The following ATE1 variants were observed in gnomAD, a reference collection of about 807,000 sequenced individuals.
The protein encoded by ATE1 is arginyl-tRNA--protein transferase 1.
Under a neutral mutation model 70.5 loss-of-function variants are expected in ATE1, and 36 were observed. The observed-to-expected ratio is 0.51, with a 90% CI of 0.39 to 0.67. ATE1 has a LOEUF of 0.67. ATE1 is among the 30% of genes least tolerant of loss of function. ATE1 has a pLI of 0.00. For synonymous variants in ATE1, 232 were observed against 219.3 expected, an observed-to-expected ratio of 1.06 and a Z score of -0.51; for missense variants, 593 against 629.5, an observed-to-expected ratio of 0.94 and a Z score of 0.62.
intron 11 of ATE1, among the ~76,000 whole-genome samples, chr10:121,753,960 C>G (rs1944693295): frequency 1.3e-5 from 2 of 152,048 alleles, no homozygotes; most frequent in South Asian, 4.1e-4. Flanking sequence ...TACAAGGGAA[C>G]TGAGCATATA....
chr10:121,878,001 C>G (rs1017774847), intron 7 of ATE1, among the ~76,000 whole-genome samples: 1 of 152,146 alleles, frequency 6.6e-6, no homozygotes, highest in Non-Finnish European at 1.5e-5. Flanking sequence ...AATAGTAGAA[C>G]AGATTAATAA....
intron 10 of ATE1, among the ~76,000 whole-genome samples, chr10:121,811,874 G>A (rs115389301): frequency 2.6e-5 from 4 of 151,552 alleles, no homozygotes; most frequent in African/African-American, 9.7e-5. Flanking sequence ...ATGTAACTAC[G>A]TGGTGCTATA....
intron 10 of ATE1, among the ~76,000 whole-genome samples, chr10:121,824,794 G>A (rs988628096): frequency 2.0e-5 from 3 of 151,836 alleles, no homozygotes; most frequent in Non-Finnish European, 4.4e-5. Context: ...GATAATATGG[G>A]GGAAAAAATT....
At position 121,924,333 on chromosome 10, in the gene ATE1, A is replaced by G. The variant is rs1951995701; in HGVS notation, c.107-4T>C. The G allele has an allele frequency of 6.2e-7, 1 of 1,612,986 alleles. No individual in the cohort carries two copies. ...GTCATGGAATGTGCCCACATGCCTGAAAAAATAAGTAGTGTGTTAATTACG... is the reference window on the plus strand; with the variant it reads ...GTCATGGAATGTGCCCACATGCCTGGAAAAATAAGTAGTGTGTTAATTACG... On this transcript the variant is annotated splice_region_variant and splice_polypyrimidine_tract_variant and intron_variant, in intron 1 of 11. Coordinates refer to ENST00000224652, the MANE Select transcript of ATE1 (RefSeq NM_001001976.3).
chr10:121,838,996 G>A (rs1407144319), intron 9 of ATE1, among the ~76,000 whole-genome samples: 1 of 152,124 alleles, frequency 6.6e-6, no homozygotes, highest in African/African-American at 2.4e-5. Flanking sequence ...ATCAATAACA[G>A]AATTAGCAAC....
chr10:121,818,874 A>C (rs1947669998), intron 10 of ATE1, among the ~76,000 whole-genome samples: 1 of 152,266 alleles, frequency 6.6e-6, no homozygotes, highest in South Asian at 2.1e-4. Context: ...AAATCATTTT[A>C]AATGACAGTG....
chr10:121,770,233 A>AGAAAC (rs1945449751), intron 11 of ATE1, among the ~76,000 whole-genome samples: 1 of 136,826 alleles, frequency 7.3e-6, no homozygotes, highest in African/African-American at 2.7e-5. Flanking sequence ...ACAAGAGAGA[A>AGAAAC]ACACACACAC....
intron 10 of ATE1, among the ~76,000 whole-genome samples, chr10:121,802,780 C>T (rs1212057830): frequency 6.6e-6 from 1 of 152,200 alleles, no homozygotes; most frequent in African/African-American, 2.4e-5. Flanking sequence ...CCGTCTTCCA[C>T]GTTCCATACT....
rs1420359213 is a variant in ATE1 at position 121,783,618 on chromosome 10, C to T, written c.1378+6551G>A. 2.0e-5 allele frequency among the ~76,000 whole-genome samples: 3 copies of T among 152,068 alleles called. No individual in the cohort carries two copies. The East Asian group carries it at 5.8e-4, about 29-fold the overall frequency. On this transcript the variant is annotated intron_variant, in intron 11 of 11. Transcript: ENST00000224652. ...ATAAAACTCTGTAGTTCAACCAGCA[C>T]TTAAATAGCTGGTATGGGCTTTATT...
intron 11 of ATE1, among the ~76,000 whole-genome samples, chr10:121,750,324 C>T (rs1270128467): frequency 6.6e-6 from 1 of 152,212 alleles, no homozygotes; most frequent in Non-Finnish European, 1.5e-5. Context: ...TCTCGGCTTA[C>T]TGAGATGTCT....
intron 8 of ATE1, chr10:121,846,812 T>C (rs1457678975): frequency 6.6e-6 from 1 of 152,166 alleles, no homozygotes; most frequent in East Asian, 1.9e-4. Context: ...CAAAAACCAG[T>C]TTTAGTATTC....
chr10:121,918,783 C>T (rs1310156215), intron 3 of ATE1, among the ~76,000 whole-genome samples: 1 of 140,984 alleles, frequency 7.1e-6, no homozygotes, highest in Admixed American at 7.5e-5. Context: ...GCCAATCCAA[C>T]GGCCAGCTGG....
At chr10:121,894,094 G>A (rs10887017) in intron 7 of ATE1, among the ~76,000 whole-genome samples, 19,655 of 143,150 alleles carry the variant, frequency 0.14, 1,506 homozygotes, top group Middle Eastern at 0.2. Context: ...CCAAGATTGC[G>A]CCATCGCACT....
chr10:121,907,618 C>A (rs1055852515), intron 5 of ATE1, among the ~76,000 whole-genome samples: 6 of 151,580 alleles, frequency 4.0e-5, no homozygotes, highest in African/African-American at 1.5e-4. Context: ...ACTAAAAATA[C>A]AAAAAATTAG....
chr10:121,823,009 G>C (rs533032817), intron 10 of ATE1, among the ~76,000 whole-genome samples: 1 of 152,124 alleles, frequency 6.6e-6, no homozygotes, highest in South Asian at 2.1e-4. Flanking sequence ...AGAAGAGGTC[G>C]GCCAGGCATG....
Position 121,753,340 on chromosome 10 carries a change from T to A in ATE1, c.1379-9482A>T, listed in dbSNP as rs758101745. ...GAACTGGCATGGCTAAAATATAATA[T>A]TTCAAAGGAAAAAAATCTATGCAAT... On this transcript the variant is annotated intron_variant, in intron 11 of 11. Transcript: ENST00000224652. Among the ~76,000 whole-genome samples the A allele has an allele frequency of 2.6e-5, 4 of 152,198 alleles. No individual in the cohort carries two copies. In the East Asian group the frequency reaches 7.7e-4, roughly 29 times the overall value.
intron 5 of ATE1, among the ~76,000 whole-genome samples, chr10:121,905,962 C>T (rs1263111666): frequency 6.6e-6 from 1 of 152,162 alleles, no homozygotes; most frequent in East Asian, 1.9e-4. Context: ...GTACACTATA[C>T]CAACCCTGCA....
At chr10:121,764,147 G>A (rs1028104695) in intron 11 of ATE1, among the ~76,000 whole-genome samples, 1 of 151,760 alleles carries the variant, frequency 6.6e-6, no homozygotes, top group Non-Finnish European at 1.5e-5. Flanking sequence ...GCTCAGGGAA[G>A]GGCGACGGAG....
intron 5 of ATE1, among the ~76,000 whole-genome samples, chr10:121,907,677 G>A (rs1290178454): frequency 1.3e-5 from 2 of 151,884 alleles, no homozygotes; most frequent in Non-Finnish European, 2.9e-5. Flanking sequence ...ACTGAGTCAG[G>A]AGAATGGCGT....
Sources: allele counts gnomAD v4.1 joint callset (sites outside exome capture counted in the v4.1 genomes callset), GRCh38; gene constraint gnomAD v4.1.1; transcripts MANE v1.5; gene names NCBI Gene and HGNC (gene_info 2026-07-23, HGNC 2026-07-21).